Variants in SLC39A10 observed in about 807,000 individuals in gnomAD.
SLC39A10 encodes zinc transporter ZIP10.
In SLC39A10, 13 loss-of-function variants were observed where a neutral mutation model predicts 65.1. The observed-to-expected ratio is 0.20, with a 90% CI of 0.13 to 0.32. SLC39A10 has a LOEUF of 0.32. Ranked by LOEUF, SLC39A10 falls within the 10% of genes least tolerant of loss-of-function variation. SLC39A10 has a pLI of 1.00. For synonymous variants in SLC39A10, 321 were observed against 342.2 expected, an observed-to-expected ratio of 0.94 and a Z score of 0.68; for missense variants, 831 against 1,018.4, an observed-to-expected ratio of 0.82 and a Z score of 2.50.
At chr2:195,694,202 C>T (rs1690850419) in intron 3 of SLC39A10, among the ~76,000 whole-genome samples, 1 of 152,126 alleles carries the variant, frequency 6.6e-6, no homozygotes, top group Non-Finnish European at 1.5e-5. Context: ...TTTACTGAGA[C>T]TTGTTTGTGC....
chr2:195,620,389 T>G (rs961291153), intron 2 of SLC39A10, among the ~76,000 whole-genome samples: 8 of 152,152 alleles, frequency 5.3e-5, no homozygotes, highest in Non-Finnish European at 1.0e-4. Context: ...ATGAAGGCAT[T>G]GTAGAAATAC....
chr2:195,695,101 A>T (rs1266883117), intron 3 of SLC39A10, among the ~76,000 whole-genome samples: 1 of 151,954 alleles, frequency 6.6e-6, no homozygotes, highest in East Asian at 1.9e-4. Flanking sequence ...CTGAGGCTCC[A>T]CCCCAGTGCG....
chr2:195,704,489 C>T (rs1055887057), intron 3 of SLC39A10, among the ~76,000 whole-genome samples: 2 of 152,060 alleles, frequency 1.3e-5, no homozygotes, highest in Non-Finnish European at 2.9e-5. Context: ...TTTTGACAAA[C>T]CATTTTTGAT....
At chr2:195,629,061 C>A (rs1211313486) in intron 2 of SLC39A10, among the ~76,000 whole-genome samples, 1 of 152,150 alleles carries the variant, frequency 6.6e-6, no homozygotes, top group African/African-American at 2.4e-5. Context: ...GTAAAAGATA[C>A]CTCCATCCAC....
chr2:195,615,568 G>A (rs921385132), intron 2 of SLC39A10, among the ~76,000 whole-genome samples: 2 of 152,168 alleles, frequency 1.3e-5, no homozygotes, highest in African/African-American at 4.8e-5. Context: ...CCTGAGTACG[G>A]GGACTTTTTA....
rs1032381857 is a variant in SLC39A10, at chr2:195,663,752, A to G, written c.-12+6471A>G. Among the ~76,000 whole-genome samples the G allele has an allele frequency of 4.0e-5, 6 of 151,758 alleles. No individual in the cohort carries two copies. The South Asian group carries it at 1.2e-3, about 32-fold the overall frequency. On this transcript the variant is annotated intron_variant, in intron 1 of 9. Coordinates refer to ENST00000359634, the MANE Select transcript of SLC39A10 (RefSeq NM_020342.3). Reference sequence around the variant, plus strand: ...TAAATTGTATATTAAAACAGAAAAAAGATTTGGGTTTTAAATTAGGATAGT... The same window carrying G: ...TAAATTGTATATTAAAACAGAAAAAGGATTTGGGTTTTAAATTAGGATAGT...
rs529031662 is a variant in SLC39A10, at chr2:195,632,248, G to A, written c.-12+26015G>A. Among the ~76,000 whole-genome samples, 25 of 146,194 alleles carry A rather than the reference G, an allele frequency of 1.7e-4. No individual in the cohort carries two copies. The East Asian group carries it at 4.6e-3, about 27-fold the overall frequency. On this transcript the variant is annotated intron_variant, in intron 2 of 2. Transcript: ENST00000458054. Reference sequence around the variant, plus strand: ...AAAGCTTTTTCTGTGAAATTTGAGTGGTAATGTCAAATACAAAGGTCACCA... The same window carrying A: ...AAAGCTTTTTCTGTGAAATTTGAGTAGTAATGTCAAATACAAAGGTCACCA...
chr2:195,698,013 G>A (rs56276019), intron 3 of SLC39A10, among the ~76,000 whole-genome samples: 22,962 of 151,336 alleles, frequency 0.15, 2,062 homozygotes, highest in African/African-American at 0.25. Flanking sequence ...TTTTCAGATG[G>A]TTCATTGTTA....
chr2:195,676,408 A>C (rs1051338752), intron 1 of SLC39A10, among the ~76,000 whole-genome samples: 1 of 151,750 alleles, frequency 6.6e-6, no homozygotes, highest in Non-Finnish European at 1.5e-5. Flanking sequence ...TTTTTTAAAG[A>C]ATTTAGTTAA....
At chr2:195,658,825 A>G (rs954182817) in intron 1 of SLC39A10, among the ~76,000 whole-genome samples, 3 of 152,236 alleles carry the variant, frequency 2.0e-5, no homozygotes, top group Admixed American at 6.5e-5. Context: ...AATATCAGTG[A>G]TAAGTGCTGT....
chr2:195,705,248 A>G (rs1467846126), intron 3 of SLC39A10, among the ~76,000 whole-genome samples: 1 of 152,174 alleles, frequency 6.6e-6, no homozygotes, highest in South Asian at 2.1e-4. Flanking sequence ...TAGTGGGTAG[A>G]TCCTCAGCCC....
At chr2:195,631,390 A>T (rs1382276308) in intron 2 of SLC39A10, among the ~76,000 whole-genome samples, 1 of 152,178 alleles carries the variant, frequency 6.6e-6, no homozygotes, top group Non-Finnish European at 1.5e-5. Context: ...ATTGTAACAT[A>T]ATTCATTTAA....
chr2:195,672,838 T>C (rs1029470800), intron 1 of SLC39A10, among the ~76,000 whole-genome samples: 13 of 152,196 alleles, frequency 8.5e-5, no homozygotes, highest in African/African-American at 3.1e-4. Context: ...ATCAGCTGAA[T>C]GAAGCAACAC....
chr2:195,697,665 A>C (rs1691017796), intron 3 of SLC39A10, among the ~76,000 whole-genome samples: 1 of 152,126 alleles, frequency 6.6e-6, no homozygotes, highest in South Asian at 2.1e-4. Context: ...AAAATTTTGC[A>C]AAGTTATGCA....
intron 1 of SLC39A10, among the ~76,000 whole-genome samples, chr2:195,670,672 T>C (rs2105750325): frequency 6.6e-6 from 1 of 152,350 alleles, no homozygotes; most frequent in Admixed American, 6.5e-5. Flanking sequence ...ATAGTATCGA[T>C]GTCAGTTTCT....
At chr2:195,657,983 AGGGTGGGGCCGGGTCGGTGGGACAGGCC>A (rs1035999394) in intron 1 of SLC39A10, 1 of 151,068 alleles carries the variant, frequency 6.6e-6, no homozygotes, top group Non-Finnish European at 1.5e-5. Context: ...GCTGAGGGTG[AGGGTGGGGCCGGGTCGGTGGGACAGGCC>A]GGGTGGGCCG....
At chr2:195,710,854 C>A (rs1242752082) in intron 5 of SLC39A10, among the ~76,000 whole-genome samples, 1 of 152,098 alleles carries the variant, frequency 6.6e-6, no homozygotes, top group African/African-American at 2.4e-5. Context: ...GTAATTAATT[C>A]TGATGGACGA....
In SLC39A10 at chr2:195,716,650, G is replaced by A. The variant is rs757628413; in HGVS notation, c.1710G>A (p.Ser570=). 10 of 1,604,408 alleles carry A rather than the reference G, an allele frequency of 6.2e-6. No individual in the cohort carries two copies. The highest frequency in any genetic ancestry group is 5.6e-5 in the South Asian group (5 of 88,724). Residue 570 remains serine (S), a synonymous_variant, in exon 7 of 10, where the codon TCG becomes TCA. Transcript: ENST00000359634. Reference sequence around the variant, plus strand: ...CTATAAATACAGGAACTGATGACTCGGTTGTTTCTGAAGATCGACTTAATG... The same window carrying A: ...CTATAAATACAGGAACTGATGACTCAGTTGTTTCTGAAGATCGACTTAATG... The part of the protein sequence containing the change: ...QLKPLAGTDD[S]VVSEDRLNET...
At chr2:195,681,731 GTTA>G (rs1690332998) in intron 2 of SLC39A10, among the ~76,000 whole-genome samples, 1 of 152,012 alleles carries the variant, frequency 6.6e-6, no homozygotes, top group Non-Finnish European at 1.5e-5. Context: ...GTCTCTTACT[GTTA>G]TTATTGTTAG....
Sources: allele counts gnomAD v4.1 joint callset (sites outside exome capture counted in the v4.1 genomes callset), GRCh38; gene constraint gnomAD v4.1.1; transcripts MANE v1.5; gene names NCBI Gene and HGNC (gene_info 2026-07-23, HGNC 2026-07-21).